SIDT1: variants seen among roughly 807,000 people sequenced by gnomAD.
The protein encoded by SIDT1 is SID1 transmembrane family member 1, also known as SID1 transmembrane family, member 1.
Under a neutral mutation model 107.5 loss-of-function variants are expected in SIDT1, and 101 were observed. The ratio of observed to expected loss-of-function variants is 0.94; its 90% confidence interval spans 0.80 to 1.11. SIDT1 has a LOEUF of 1.11. Ranked by LOEUF, SIDT1 falls within the 50% of genes least tolerant of loss-of-function variation. SIDT1 has a pLI of 0.00. For synonymous variants in SIDT1, 395 were observed against 398.2 expected (o/e 0.99, Z 0.10); for missense variants, 1,076 against 1,058.2 (o/e 1.02, Z -0.23).
intron 10 of SIDT1, among the ~76,000 whole-genome samples, chr3:113,593,853 T>TA (rs1346138931): frequency 1.3e-5 from 2 of 152,198 alleles, no homozygotes; most frequent in Non-Finnish European, 2.9e-5. Flanking sequence ...GAATCCAGAG[T>TA]AATTGACTAT....
At position 113,556,842 on chromosome 3, in the gene SIDT1, T is replaced by A. The variant is rs867905660; in HGVS notation, c.223-9578T>A. Among the ~76,000 whole-genome samples, 572 of 149,382 alleles carry A rather than the reference T, an allele frequency of 3.8e-3. 5 individuals carry two copies. Among genetic ancestry groups the A allele is most frequent in the African/African-American group, 0.013 (538 of 40,430 alleles). On this transcript the variant is annotated intron_variant, in intron 1 of 24. Coordinates refer to ENST00000264852, the MANE Select transcript of SIDT1 (RefSeq NM_017699.3). Reference sequence around the variant, plus strand: ...TTTTCTTTTTTTTTTTTTTTTGAAATAGAGTCTGGCTCTGTCACCCAGGCT... The same window carrying A: ...TTTTCTTTTTTTTTTTTTTTTGAAAAAGAGTCTGGCTCTGTCACCCAGGCT...
intron 8 of SIDT1, 21 bp from the exon 9 acceptor site, chr3:113,585,156 A>G (rs772269445): frequency 1.3e-6 from 2 of 1,577,032 alleles, no homozygotes; most frequent in Non-Finnish European, 1.7e-6. Context: ...GACCTGACCA[A>G]AGTTGTTTCT....
rs768252378 is a variant in SIDT1, at chr3:113,611,077, T to C, written c.1790T>C (p.Ile597Thr). 1 of 1,614,116 alleles carries C rather than the reference T, an allele frequency of 6.2e-7. No individual in the cohort carries two copies. Among genetic ancestry groups the C allele is most frequent in the South Asian group, 1.1e-5 (1 of 91,084 alleles). ...CTCTATCAGACCCGCCACCCAGACA[T>C]CAATGCCAGCGCCTACTCTGCCTAT... ...LKLYQTRHPD[I>T]NASAYSAYAS... Residue 597 changes from isoleucine (I) to threonine (T), a missense_variant, in exon 18 of 25, where the codon ATC becomes ACC. Ile to Thr is a moderately conservative substitution (Grantham distance 89, BLOSUM62 -1). Coordinates refer to ENST00000264852, the MANE Select transcript of SIDT1 (RefSeq NM_017699.3).
intron 1 of SIDT1, among the ~76,000 whole-genome samples, chr3:113,564,031 C>G (rs993749878): frequency 6.6e-6 from 1 of 152,140 alleles, no homozygotes; most frequent in Non-Finnish European, 1.5e-5. Flanking sequence ...TCACCGCAAC[C>G]TCTGCCTCCT....
At chr3:113,563,228 C>A (rs35452897) in intron 1 of SIDT1, among the ~76,000 whole-genome samples, 40 of 152,094 alleles carry the variant, frequency 2.6e-4, no homozygotes, top group Non-Finnish European at 4.3e-4. Context: ...GGAGAAAAGG[C>A]GAACTTTTAA....
intron 24 of SIDT1, 36 bp from the exon 25 acceptor site, chr3:113,627,610 T>C (rs1946942197): frequency 6.3e-6 from 10 of 1,597,764 alleles, no homozygotes; most frequent in Non-Finnish European, 6.0e-6. Context: ...ACAGTGACTG[T>C]CCATTCCTTT....
At chr3:113,582,775 C>T (rs1377495845) in intron 6 of SIDT1, among the ~76,000 whole-genome samples, 1 of 151,848 alleles carries the variant, frequency 6.6e-6, no homozygotes, top group African/African-American at 2.4e-5. Context: ...TACAGCTATG[C>T]CTGAAATAAA....
At chr3:113,614,988 A>G (rs1036265885) in intron 19 of SIDT1, 1 of 1,450,524 alleles carries the variant, frequency 6.9e-7, no homozygotes, top group African/African-American at 1.4e-5. Context: ...AATGACCAGT[A>G]GTTTACATGT....
At chr3:113,615,212 G>T in intron 19 of SIDT1, 1 of 871,552 alleles carries the variant, frequency 1.1e-6, no homozygotes, top group South Asian at 1.5e-5. Flanking sequence ...GGGAGCCAGA[G>T]AGAGGCTCAG....
rs1344401986 is a variant in SIDT1, at chr3:113,583,449, T to C, written c.788T>C (p.Val263Ala). Residue 263 changes from valine (V) to alanine (A), a missense_variant, in exon 7 of 25, where the codon GTG becomes GCG. Transcript: ENST00000264852. The part of the protein sequence containing the change: ...FPGEQFFVVF[V>A]IKPEDYACGG... ...GGCGAGCAGTTCTTCGTGGTATTTG[T>C]GATAAAGCCTGAAGATTATGCCTGT... The C allele has an allele frequency of 8.1e-6, 13 of 1,600,146 alleles. No individual in the cohort carries two copies. Among genetic ancestry groups the C allele is most frequent in the Non-Finnish European group, 1.1e-5 (13 of 1,170,370 alleles).
chr3:113,611,962 G>A (rs1009820693), intron 18 of SIDT1, 124 bp from the exon 19 acceptor site: 3 of 667,524 alleles, frequency 4.5e-6, no homozygotes, highest in Non-Finnish European at 5.3e-6. Context: ...GTTTCCAGAG[G>A]GGGAGAAAAA....
chr3:113,600,572 A>AGG (rs1223473229), intron 10 of SIDT1, among the ~76,000 whole-genome samples: 2 of 152,216 alleles, frequency 1.3e-5, no homozygotes, highest in Admixed American at 1.3e-4. Flanking sequence ...GTAGTAATAG[A>AGG]GGTAGTACTG....
At chr3:113,564,222 G>A (rs1327124708) in intron 1 of SIDT1, among the ~76,000 whole-genome samples, 1 of 152,258 alleles carries the variant, frequency 6.6e-6, no homozygotes, top group Non-Finnish European at 1.5e-5. Context: ...TTACAGGCGT[G>A]AGCCGCCGTG....
rs1486524864 is a variant in SIDT1 at position 113,627,795 on chromosome 3, C to A, written c.*87C>A. ...AGTGACCACAGCAAAGTAACCACTG[C>A]CAGATGCTCCACTCACCCTCTGTAG... On this transcript the variant is annotated 3_prime_UTR_variant, in exon 25 of 25. Coordinates refer to ENST00000264852, the MANE Select transcript of SIDT1 (RefSeq NM_017699.3). The A allele has an allele frequency of 4.1e-6, 5 of 1,215,622 alleles. No individual in the cohort carries two copies. The highest frequency in any genetic ancestry group is 6.1e-6 in the Non-Finnish European group (5 of 824,556). 75.3% of individuals were successfully genotyped at this position (1,215,622 alleles called of 1,614,324 possible). A position where few individuals can be genotyped will look rare whatever the true frequency, so the allele number is the denominator to read the frequency against.
intron 1 of SIDT1, among the ~76,000 whole-genome samples, chr3:113,542,181 CCA>C (rs1938986770): frequency 6.6e-6 from 1 of 152,114 alleles, no homozygotes; most frequent in Non-Finnish European, 1.5e-5. Context: ...CCTCAGACTC[CCA>C]CAGTCTTGGG....
Position 113,628,230 on chromosome 3 carries a change from T to C in SIDT1, c.*522T>C, listed in dbSNP as rs1349322481. 1 of 153,464 alleles carries C rather than the reference T, an allele frequency of 6.5e-6. No individual in the cohort carries two copies. The highest frequency in any genetic ancestry group is 1.5e-5 in the Non-Finnish European group (1 of 68,664). 9.5% of individuals were successfully genotyped at this position (153,464 alleles called of 1,614,324 possible). A position where few individuals can be genotyped will look rare whatever the true frequency, so the allele number is the denominator to read the frequency against. ...GAGGTGACCCCAGGCCCTGCCCTAC[T>C]GGGATAGATGTTTTAATGGCACCAG... On this transcript the variant is annotated 3_prime_UTR_variant, in exon 25 of 25. Coordinates refer to ENST00000264852, the MANE Select transcript of SIDT1 (RefSeq NM_017699.3).
intron 17 of SIDT1, among the ~76,000 whole-genome samples, chr3:113,610,537 A>C (rs1301310543): frequency 1.3e-5 from 2 of 152,232 alleles, no homozygotes; most frequent in Non-Finnish European, 2.9e-5. Context: ...CTAGGCTATA[A>C]AGCTATAAAT....
At chr3:113,542,575 T>G (rs1406056256) in intron 1 of SIDT1, among the ~76,000 whole-genome samples, 1 of 152,208 alleles carries the variant, frequency 6.6e-6, no homozygotes, top group African/African-American at 2.4e-5. Context: ...TCTTACTTTT[T>G]TTACTTACAG....
At chr3:113,598,318 T>C (rs1407601616) in intron 10 of SIDT1, among the ~76,000 whole-genome samples, 1 of 152,264 alleles carries the variant, frequency 6.6e-6, no homozygotes, top group Non-Finnish European at 1.5e-5. Flanking sequence ...CTGATTGTTT[T>C]TGTTTGTTCA....
Sources: allele counts gnomAD v4.1 joint callset (sites outside exome capture counted in the v4.1 genomes callset), GRCh38; gene constraint gnomAD v4.1.1; transcripts MANE v1.5; gene names NCBI Gene and HGNC (gene_info 2026-07-23, HGNC 2026-07-21).